BRCA2: variants seen among roughly 807,000 people sequenced by gnomAD.
The protein encoded by BRCA2 is breast cancer type 2 susceptibility protein.
Under a neutral mutation model 276.7 loss-of-function variants are expected in BRCA2, and 203 were observed. That is an observed-to-expected ratio of 0.73 (90% confidence interval 0.65 to 0.82). The LOEUF is 0.82. Ranked by LOEUF, BRCA2 falls within the 40% of genes least tolerant of loss-of-function variation. BRCA2 has a pLI of 0.00. For synonymous variants in BRCA2, 1,289 were observed against 1,338.4 expected, an observed-to-expected ratio of 0.96 and a Z score of 0.81; for missense variants, 3,920 against 3,915.0, an observed-to-expected ratio of 1.00 and a Z score of -0.03.
At chr13:32,347,467 C>A (rs988256906) in intron 13 of BRCA2, among the ~76,000 whole-genome samples, 1 of 152,082 alleles carries the variant, frequency 6.6e-6, no homozygotes, top group African/African-American at 2.4e-5. Flanking sequence ...AGTTGAAATT[C>A]TTTTTAAGAA....
Position 32,337,841 on chromosome 13 carries a change from TG to T in BRCA2, c.3487del (p.Asp1163IlefsTer5), listed in dbSNP as rs397507672. The T allele has an allele frequency of 6.2e-7, 1 of 1,614,108 alleles. No homozygotes were observed. Among genetic ancestry groups the T allele is most frequent in the Non-Finnish European group, 8.5e-7 (1 of 1,179,974 alleles). The stretch of plus-strand genomic sequence containing the variant: ...CCACTTCTGAGGAATGCAGAGATGC[TG>T]ATCTTCATGTCATAATGAATGCCCC... ...KTTSEECRDA[D>X]LHVIMNAPSI... On this transcript the variant is annotated frameshift_variant, in exon 11 of 27. Coordinates refer to ENST00000380152, the MANE Select transcript of BRCA2 (RefSeq NM_000059.4). LOFTEE classifies it high-confidence loss of function.
intron 21 of BRCA2, 34 bp downstream of exon 21, chr13:32,376,825 A>C: frequency 6.2e-7 from 1 of 1,611,964 alleles, no homozygotes; most frequent in South Asian, 1.1e-5. Flanking sequence ...ATGAGGCTTG[A>C]TGATTATTCA....
Position 32,338,654 on chromosome 13 carries a change from G to C in BRCA2, c.4299G>C (p.Gly1433=), listed in dbSNP as rs1555283699. 1 of 1,597,122 alleles carries C rather than the reference G, an allele frequency of 6.3e-7. No individual in the cohort carries two copies. Among genetic ancestry groups the C allele is most frequent in the Non-Finnish European group, 8.6e-7 (1 of 1,169,316 alleles). Reference sequence around the variant, plus strand: ...ATACATTTTTTCAGACTGCAAGTGGGAAAAATATTAGTGTCGCCAAAGAGT... The same window carrying C: ...ATACATTTTTTCAGACTGCAAGTGGCAAAAATATTAGTGTCGCCAAAGAGT... ...TSDTFFQTAS[G]KNISVAKESF... Residue 1433 remains glycine (G), a synonymous_variant, in exon 11 of 27, where the codon GGG becomes GGC. Coordinates refer to ENST00000380152, the MANE Select transcript of BRCA2 (RefSeq NM_000059.4).
intron 20 of BRCA2, among the ~76,000 whole-genome samples, chr13:32,374,568 C>T (rs944376473): frequency 5.9e-5 from 9 of 152,196 alleles, no homozygotes; most frequent in Non-Finnish European, 1.0e-4. Context: ...GGATCTCTAG[C>T]GCAGGGGCAA....
chr13:32,371,181 T>A (rs1377742353), intron 20 of BRCA2, 81 bp downstream of exon 20: 4 of 1,439,268 alleles, frequency 2.8e-6, no homozygotes, highest in Non-Finnish European at 3.8e-6. Context: ...ACATTTTTAA[T>A]GAGTAAATTG....
At position 32,343,207 on chromosome 13, in the gene BRCA2, T is replaced by C. The variant is rs11571666; in HGVS notation, c.6842-1351T>C. The stretch of plus-strand genomic sequence containing the variant: ...TAGGTATGTATTTGGTTTTGTTTTT[T>C]TGTGTGTGTTTTTTTCTATTAGTGT... On this transcript the variant is annotated intron_variant, in intron 11 of 26. Transcript: ENST00000380152. Among the ~76,000 whole-genome samples the C allele has an allele frequency of 5.9e-3, 900 of 152,304 alleles. 9 individuals are homozygous for C. The highest frequency in any genetic ancestry group is 0.021 in the African/African-American group (869 of 41,538).
chr13:32,370,313 T>C, intron 18 of BRCA2, 89 bp from the exon 19 acceptor site: 1 of 1,308,456 alleles, frequency 7.6e-7, no homozygotes, highest in South Asian at 1.2e-5. Flanking sequence ...TTTAAGGCAG[T>C]TCTAGAAGAA....
At chr13:32,329,569 C>G (rs2072374327) in intron 8 of BRCA2, 77 bp downstream of exon 8, 1 of 1,152,220 alleles carries the variant, frequency 8.7e-7, no homozygotes, top group Admixed American at 1.9e-5. Flanking sequence ...ATTTATCTTA[C>G]ATTTTTAATT....
chr13:32,336,411 C>A lies in BRCA2; in HGVS notation c.2056C>A (p.Leu686Ile), dbSNP rs1135401896. 1 of 1,613,366 alleles carries A rather than the reference C, an allele frequency of 6.2e-7. No homozygotes were observed. Among genetic ancestry groups the A allele is most frequent in the African/African-American group, 1.3e-5 (1 of 74,802 alleles). ...TAATAATACAGTAATCTCTCAGGAT[C>A]TTGATTATAAAGAAGCAAAATGTAA... ...CSNNTVISQD[L>I]DYKEAKCNKE... Residue 686 changes from leucine (L) to isoleucine (I), a missense_variant, in exon 11 of 27, where the codon CTT becomes ATT. By Grantham distance (5) the Leu-to-Ile change is conservative (BLOSUM62 2). Coordinates refer to ENST00000380152, the MANE Select transcript of BRCA2 (RefSeq NM_000059.4).
chr13:32,341,321 CAGTT>C lies in BRCA2; in HGVS notation c.6841+126_6841+129del, dbSNP rs995605058. On this transcript the variant is annotated intron_variant, in intron 11 of 26. Coordinates refer to ENST00000380152, the MANE Select transcript of BRCA2 (RefSeq NM_000059.4). ...GTCTTTTCAGCCATTTTTGTGTAGT[CAGTT>C]TGGGGGAGTATGGTTTGATATACAG... is the stretch of plus-strand genomic sequence containing the variant. 7.9e-5 allele frequency: 107 copies of C among 1,361,930 alleles called. No individual in the cohort carries two copies. In the African/African-American group the frequency reaches 1.3e-3, roughly 17 times the overall value. The allele number at this position is 1,361,930 out of a possible 1,614,324, so 84.4% of individuals were successfully genotyped here.
Position 32,340,633 on chromosome 13 carries a change from A to T in BRCA2, c.6278A>T (p.His2093Leu), listed in dbSNP as rs1218113889. The part of the protein sequence containing the change: ...FDLIRTEHSL[H>L]YSPTSRQNVS... ...TTAATCAGAACTGAGCATAGTCTTC[A>T]CTATTCACCTACGTCTAGACAAAAT... The change falls in exon 11 of 27, where the codon CAC (histidine) becomes CTC (leucine). Residue 2093 changes from histidine (H) to leucine (L), a missense_variant. Physicochemically the swap from His to Leu is moderately conservative, Grantham distance 99. Around this residue, in one of 2 missense-constraint regions of BRCA2, gnomAD observed 3,263 missense variants for 3,156.9 expected, o/e 1.03. Transcript: ENST00000380152. 1 of 1,606,750 alleles carries T rather than the reference A, an allele frequency of 6.2e-7. No homozygotes were observed. The highest frequency in any genetic ancestry group is 1.7e-5 in the Admixed American group (1 of 58,372).
At chr13:32,378,661 C>A (rs1383821257) in intron 21 of BRCA2, among the ~76,000 whole-genome samples, 1 of 152,058 alleles carries the variant, frequency 6.6e-6, no homozygotes, top group Non-Finnish European at 1.5e-5. Flanking sequence ...TGTCTAAATT[C>A]CATTTCCTAT....
rs276174892 is a variant in BRCA2 at position 32,330,978 on chromosome 13, C to T, written c.741C>T (p.Ile247=). The T allele has an allele frequency of 6.2e-7, 1 of 1,613,646 alleles. No individual in the cohort carries two copies. Among genetic ancestry groups the T allele is most frequent in the Non-Finnish European group, 8.5e-7 (1 of 1,179,710 alleles). Residue 247 remains isoleucine, a synonymous_variant, in exon 9 of 27, where the codon ATC becomes ATT. Coordinates refer to ENST00000380152, the MANE Select transcript of BRCA2 (RefSeq NM_000059.4). ...DESLKKNDRF[I]ASVTDSENTN... ...GTCTGAAGAAAAATGATAGATTTAT[C>T]GCTTCTGTGACAGACAGTGAAAACA... is the stretch of plus-strand genomic sequence containing the variant.
At chr13:32,329,133 G>A (rs2072370416) in intron 7 of BRCA2, among the ~76,000 whole-genome samples, 1 of 152,092 alleles carries the variant, frequency 6.6e-6, no homozygotes, top group Admixed American at 6.5e-5. Context: ...AAGTCTCCAA[G>A]CTTTAGCTTT....
chr13:32,375,432 G>T, intron 20 of BRCA2: 1 of 436,522 alleles, frequency 2.3e-6, no homozygotes, highest in South Asian at 1.7e-5. Flanking sequence ...TTGATATTTT[G>T]ACTTCCCATG....
chr13:32,333,041 A>G lies in BRCA2; in HGVS notation c.1563A>G (p.Ser521=), dbSNP rs1593893243. 6.3e-7 allele frequency: 1 copy of G among 1,597,618 alleles called. No individual in the cohort carries two copies. ...SPKETFNASF[S]GHMTDPNFKK... ...AAGAGACTTTCAATGCAAGTTTTTC[A>G]GGTCATATGACTGATCCAAACTTTA... Residue 521 remains serine (S), a synonymous_variant, in exon 10 of 27, where the codon TCA becomes TCG. Transcript: ENST00000380152.
rs587782714 is a variant in BRCA2, at chr13:32,339,583, G to A, written c.5228G>A (p.Ser1743Asn). 10 of 1,610,610 alleles carry A rather than the reference G, an allele frequency of 6.2e-6. No individual in the cohort carries two copies. In the Admixed American group the frequency reaches 1.7e-4, roughly 27 times the overall value. Reference sequence around the variant, plus strand: ...AAACAAGATACTTATTTAAGTAACAGTAGCATGTCTAACAGCTATTCCTAC... The same window carrying A: ...AAACAAGATACTTATTTAAGTAACAATAGCATGTCTAACAGCTATTCCTAC... ...SEKQDTYLSN[S>N]SMSNSYSYHS... The change falls in exon 11 of 27, where the codon AGT becomes AAT. Residue 1743 changes from serine (S) to asparagine (N), a missense_variant. Transcript: ENST00000380152.
At chr13:32,315,975 A>C (rs1431795380) in intron 1 of BRCA2, among the ~76,000 whole-genome samples, 1 of 152,196 alleles carries the variant, frequency 6.6e-6, no homozygotes, top group African/African-American at 2.4e-5. Flanking sequence ...ATTTCTTGGA[A>C]ACACGATCAC....
intron 18 of BRCA2, among the ~76,000 whole-genome samples, chr13:32,368,798 GTT>G (rs111422380): frequency 1.0e-4 from 14 of 134,552 alleles, no homozygotes; most frequent in Non-Finnish European, 1.3e-4. Context: ...TTGTTTTTTT[GTT>G]TTTTTTTTGG....
Sources: gnomAD v4.1 joint callset for allele counts (sites outside exome capture counted in the v4.1 genomes callset) on GRCh38, gnomAD v4.1.1 for gene constraint, gnomAD v4.1.1 regional missense constraint, MANE v1.5 for transcripts, NCBI Gene and HGNC (gene_info 2026-07-23, HGNC 2026-07-21) for gene names.